Variants in ANKRD44 observed in about 807,000 individuals in gnomAD.
ANKRD44 encodes the protein ankyrin repeat domain 44.
In ANKRD44, 35 loss-of-function variants were observed where a neutral mutation model predicts 116.0. The ratio of observed to expected loss-of-function variants is 0.30; its 90% CI spans 0.23 to 0.40. The LOEUF is 0.40. Ranked by LOEUF, ANKRD44 falls within the 10% of genes least tolerant of loss-of-function variation. ANKRD44 has a pLI of 1.00. For missense variants in ANKRD44, 1,014 were observed against 1,242.6 expected (o/e 0.82, Z 2.77); for synonymous variants, 435 against 461.8 (o/e 0.94, Z 0.74).
intron 2 of ANKRD44, among the ~76,000 whole-genome samples, chr2:197,155,100 G>A (rs1574566305): frequency 6.6e-6 from 1 of 152,078 alleles, no homozygotes; most frequent in Non-Finnish European, 1.5e-5. Context: ...TACATAACTA[G>A]ACACTGGATA....
At chr2:197,135,458 T>C (rs2079194059) in intron 4 of ANKRD44, 1 of 152,342 alleles carries the variant, frequency 6.6e-6, no homozygotes, top group Admixed American at 6.5e-5. Flanking sequence ...GCCTTCACAT[T>C]GATCTTCTCA....
Position 196,988,921 on chromosome 2 carries a change from A to T in ANKRD44, c.*670T>A. 1 of 985,460 alleles carries T rather than the reference A, an allele frequency of 1.0e-6. No homozygotes were observed. The highest frequency in any genetic ancestry group is 1.7e-5 in the African/African-American group (1 of 57,360). 61.0% of individuals were successfully genotyped at this position (985,460 alleles called of 1,614,324 possible). On this transcript the variant is annotated 3_prime_UTR_variant, in exon 28 of 28. Coordinates refer to ENST00000282272, the MANE Select transcript of ANKRD44 (RefSeq NM_001195144.2). ...GCTGCCTTTGTGTATATGATCCACT[A>T]CACATCTGAGTTTTCATCTCGCAGA...
At chr2:197,228,302 C>A (rs190773979) in intron 1 of ANKRD44, among the ~76,000 whole-genome samples, 378 of 152,310 alleles carry the variant, frequency 2.5e-3, no homozygotes, top group African/African-American at 8.3e-3. Flanking sequence ...TGGTGGTGAA[C>A]AGTTAGGAAC....
chr2:197,274,313 C>T (rs2083010814), intron 1 of ANKRD44, among the ~76,000 whole-genome samples: 1 of 152,078 alleles, frequency 6.6e-6, no homozygotes, highest in South Asian at 2.1e-4. Context: ...TGCTCTGAGG[C>T]ACAGTGAGGG....
chr2:197,080,777 C>T (rs1051356386), intron 15 of ANKRD44, among the ~76,000 whole-genome samples: 1 of 152,138 alleles, frequency 6.6e-6, no homozygotes, highest in Non-Finnish European at 1.5e-5. Flanking sequence ...GGAGTAGACA[C>T]AGGCATTCGG....
At chr2:197,139,848 TTGTGTGTGTGTGTGTGTG>T (rs71012957) in intron 3 of ANKRD44, among the ~76,000 whole-genome samples, 88 of 131,672 alleles carry the variant, frequency 6.7e-4, no homozygotes, top group African/African-American at 2.1e-3. Flanking sequence ...TAAGCTGCTT[TTGTGTGTGTGTGTGTGTG>T]TGTGTGTGTG....
intron 17 of ANKRD44, among the ~76,000 whole-genome samples, chr2:197,018,002 C>G (rs2125930155): frequency 6.6e-6 from 1 of 152,326 alleles, no homozygotes; most frequent in African/African-American, 2.4e-5. Flanking sequence ...GGAATCTGGC[C>G]TAATTCTCAC....
chr2:197,103,799 T>C (rs993632628), intron 9 of ANKRD44, among the ~76,000 whole-genome samples: 2 of 152,280 alleles, frequency 1.3e-5, no homozygotes, highest in South Asian at 2.1e-4. Flanking sequence ...TAGTCAGTAC[T>C]AGTATTTTGG....
chr2:197,174,429 C>A (rs987507430), intron 2 of ANKRD44, among the ~76,000 whole-genome samples: 3 of 152,112 alleles, frequency 2.0e-5, no homozygotes, highest in African/African-American at 7.2e-5. Context: ...GAATCTGGAA[C>A]ATATAATGTT....
Position 196,993,571 on chromosome 2 carries a change from T to G in ANKRD44, c.2923+12A>C, listed in dbSNP as rs1310215191. ...AAGGTACCTGCAGTCGCTGTTGACT[T>G]TTTCCACTTACCATTTTCATCTACA... On this transcript the variant is annotated intron_variant, in intron 27 of 27. Coordinates refer to ENST00000282272, the MANE Select transcript of ANKRD44 (RefSeq NM_001195144.2). 1.9e-6 allele frequency: 3 copies of G among 1,549,182 alleles called. No individual in the cohort carries two copies. The highest frequency in any genetic ancestry group is 8.7e-7 in the Non-Finnish European group (1 of 1,145,570).
In ANKRD44 at chr2:197,121,455, G is replaced by A. The variant is rs776294900; in HGVS notation, c.783C>T (p.Tyr261=). Residue 261 remains tyrosine (Y), a synonymous_variant, in exon 8 of 28, where the codon TAC becomes TAT. Transcript: ENST00000282272. ...QDAVVNELID[Y]GANVNQPNNN... ...TGTTTGGCTGGTTCACGTTAGCACC[G>A]TAGTCAATCAACTCGTTAACCACAG... 21 of 1,614,050 alleles carry A rather than the reference G, an allele frequency of 1.3e-5. No homozygotes were observed. The highest frequency in any genetic ancestry group is 6.7e-5 in the Admixed American group (4 of 60,008).
chr2:197,229,637 CT>C (rs547278181), intron 1 of ANKRD44, among the ~76,000 whole-genome samples: 211 of 152,330 alleles, frequency 1.4e-3, no homozygotes, highest in Non-Finnish European at 2.4e-3. Flanking sequence ...GTGCCAGGCA[CT>C]TCCCTAAAGT....
chr2:197,212,124 G>A lies in ANKRD44; in HGVS notation c.28-25018C>T, dbSNP rs942977859. ...GGAGAGGAGATATTGCAGAGCTAGA[G>A]TTTTGGAACTGGAACAAGGAGGGAC... On this transcript the variant is annotated intron_variant, in intron 1 of 27. Transcript: ENST00000282272. The surrounding 1 kb of genome is among the most constrained non-coding windows in gnomAD (Gnocchi z 4.8). 6.6e-6 allele frequency among the ~76,000 whole-genome samples: 1 copy of A among 152,108 alleles called. No individual in the cohort carries two copies. The highest frequency in any genetic ancestry group is 6.5e-5 in the Admixed American group (1 of 15,272).
At chr2:197,302,039 T>C (rs776101679) in intron 1 of ANKRD44, among the ~76,000 whole-genome samples, 1 of 152,102 alleles carries the variant, frequency 6.6e-6, no homozygotes, top group Non-Finnish European at 1.5e-5. Flanking sequence ...CATGCAGATA[T>C]CTAGGGAGGA....
chr2:197,260,199 G>A (rs977171527), intron 1 of ANKRD44, among the ~76,000 whole-genome samples: 2 of 151,314 alleles, frequency 1.3e-5, no homozygotes, highest in Non-Finnish European at 2.9e-5. Context: ...TCGTCATTTA[G>A]CATTAGGTAT....
Position 197,122,753 on chromosome 2 carries a change from G to T in ANKRD44, c.590C>A (p.Ala197Glu). 6.2e-7 allele frequency: 1 copy of T among 1,614,166 alleles called. No individual in the cohort carries two copies. Among genetic ancestry groups the T allele is most frequent in the Non-Finnish European group, 8.5e-7 (1 of 1,180,018 alleles). ...DVVALLINHGAEVTCKDKKGY... is the reference protein window; with the variant it reads ...DVVALLINHGEEVTCKDKKGY... ...CTTCTTATCCTTACAGGTCACTTCT[G>T]CGCCATGGTTAATGAGCAATGCTAC... Residue 197 changes from alanine (A) to glutamate (E), a missense_variant, in exon 7 of 28, where the codon GCA becomes GAA. Physicochemically the swap from Ala to Glu is moderately radical, Grantham distance 107. Coordinates refer to ENST00000282272, the MANE Select transcript of ANKRD44 (RefSeq NM_001195144.2).
At position 196,993,610 on chromosome 2, in the gene ANKRD44, C is replaced by T. The variant is rs921340832; in HGVS notation, c.2896G>A (p.Ala966Thr). 1 of 1,550,922 alleles carries T rather than the reference C, an allele frequency of 6.4e-7. No individual in the cohort carries two copies. Among genetic ancestry groups the T allele is most frequent in the South Asian group, 1.2e-5 (1 of 84,062 alleles). ...VVVEELLAKG[A>T]CVLAVDENAS... ...TTTTCATCTACAGCAAGTACACAGG[C>T]CCCTTTGGCCAGCAACTCCTCAACT... The change falls in exon 27 of 28, where the codon GCC (alanine) becomes ACC (threonine). Residue 966 changes from alanine to threonine, a missense_variant. Transcript: ENST00000282272.
chr2:197,294,266 C>A (rs182762613), intron 1 of ANKRD44, among the ~76,000 whole-genome samples: 1 of 152,154 alleles, frequency 6.6e-6, no homozygotes, highest in African/African-American at 2.4e-5. Context: ...AGTCTTAATT[C>A]TCTCTGAAGG....
At chr2:197,164,818 GTTTT>G (rs112837983) in intron 2 of ANKRD44, among the ~76,000 whole-genome samples, 6 of 149,574 alleles carry the variant, frequency 4.0e-5, no homozygotes, top group African/African-American at 1.5e-4. Context: ...GGTTTTGAGG[GTTTT>G]TTTTTTCCAT....
Sources: allele counts gnomAD v4.1 joint callset (sites outside exome capture counted in the v4.1 genomes callset), GRCh38; gene constraint gnomAD v4.1.1; non-coding constraint Gnocchi (gnomAD v3.1); transcripts MANE v1.5; gene names NCBI Gene and HGNC (gene_info 2026-07-23, HGNC 2026-07-21).